Variants in JARID2 observed in about 807,000 individuals in gnomAD.
JARID2 encodes the protein jumonji and AT-rich interaction domain containing 2.
Under a neutral mutation model 125.6 loss-of-function variants are expected in JARID2, and 21 were observed. The observed-to-expected ratio is 0.17, with a 90% CI of 0.12 to 0.24. JARID2 has a LOEUF of 0.24. JARID2 is among the 10% of genes least tolerant of loss of function. JARID2 has a pLI of 1.00. For missense variants in JARID2, 1,303 were observed against 1,639.6 expected (o/e 0.79, Z 3.55); for synonymous variants, 736 against 661.6 (o/e 1.11, Z -1.73).
intron 1 of JARID2, among the ~76,000 whole-genome samples, chr6:15,327,035 T>G (rs556593895): frequency 6.6e-6 from 1 of 152,302 alleles, no homozygotes; most frequent in Admixed American, 6.5e-5. Flanking sequence ...CCACAGCTTT[T>G]GAGAGTGAAG....
chr6:15,310,586 C>T (rs1271381292), intron 1 of JARID2, among the ~76,000 whole-genome samples: 1 of 152,190 alleles, frequency 6.6e-6, no homozygotes, highest in Non-Finnish European at 1.5e-5. Context: ...TCATGCTCCC[C>T]TCTGGATTTC....
chr6:15,371,824 C>T (rs62395381), intron 1 of JARID2, among the ~76,000 whole-genome samples: 3,271 of 152,286 alleles, frequency 0.021, 46 homozygotes, highest in South Asian at 0.052. Flanking sequence ...GACCCCGTAC[C>T]GTGGTCTGTG....
In JARID2 at chr6:15,410,057, A is replaced by G. The variant is rs186028493; in HGVS notation, c.182-167A>G. On this transcript the variant is annotated intron_variant, in intron 2 of 17. Transcript: ENST00000341776. ...TCACTCTCTTTAAAGGTCTCATAGAATGAGGTTTTGCTTTTCTCCACCCAT... is the reference window on the plus strand; with the variant it reads ...TCACTCTCTTTAAAGGTCTCATAGAGTGAGGTTTTGCTTTTCTCCACCCAT... 5.9e-5 allele frequency among the ~76,000 whole-genome samples: 9 copies of G among 152,306 alleles called. No individual in the cohort carries two copies. The East Asian group carries it at 1.4e-3, about 23-fold the overall frequency.
intron 1 of JARID2, among the ~76,000 whole-genome samples, chr6:15,315,686 G>T (rs1324788010): frequency 6.6e-6 from 1 of 152,190 alleles, no homozygotes; most frequent in African/African-American, 2.4e-5. Context: ...TTGTCCGGAA[G>T]TTACCAAAAT....
Position 15,513,258 on chromosome 6 carries a change from C to A in JARID2, c.3286C>A (p.Arg1096Ser). 6.4e-7 allele frequency: 1 copy of A among 1,571,764 alleles called. No homozygotes were observed. Among genetic ancestry groups the A allele is most frequent in the Non-Finnish European group, 8.6e-7 (1 of 1,157,466 alleles). The change falls in exon 16 of 18, where the codon CGC becomes AGC. Residue 1096 changes from arginine to serine, a missense_variant. By Grantham distance (110) the Arg-to-Ser change is moderately radical. Transcript: ENST00000341776. ...DELRDTELRQ[R>S]RQLFEAGLHS... is the part of the protein sequence containing the mutation. ...TGGCAGGGATACAGAGCTGCGGCAG[C>A]GCAGGCAGCTGTTCGAGGCTGGCCT...
At chr6:15,327,552 CGCGTGTGTGT>C (rs1561794527) in intron 1 of JARID2, among the ~76,000 whole-genome samples, 12 of 143,206 alleles carry the variant, frequency 8.4e-5, no homozygotes, top group East Asian at 2.0e-4. Context: ...TGTGTGTGTG[CGCGTGTGTGT>C]GCGTGTGCAT....
intron 4 of JARID2, among the ~76,000 whole-genome samples, chr6:15,468,157 T>G (rs566299122): frequency 7.1e-6 from 1 of 141,656 alleles, no homozygotes; most frequent in East Asian, 2.1e-4. Flanking sequence ...TTTTTACTTC[T>G]GTCTTCTCTG....
At chr6:15,329,572 C>T (rs1353711899) in intron 1 of JARID2, among the ~76,000 whole-genome samples, 1 of 152,202 alleles carries the variant, frequency 6.6e-6, no homozygotes, top group African/African-American at 2.4e-5. Flanking sequence ...TAATGTCTCC[C>T]TTTCATGAAT....
In JARID2 at chr6:15,374,261, A is replaced by C; in HGVS notation, c.181+9A>C. 1 of 1,613,118 alleles carries C rather than the reference A, an allele frequency of 6.2e-7. No individual in the cohort carries two copies. The highest frequency in any genetic ancestry group is 8.5e-7 in the Non-Finnish European group (1 of 1,179,464). The stretch of plus-strand genomic sequence containing the variant: ...CCTGAAAACTGTGAATGGTGAGTTG[A>C]CTCTTGGAATATCTCATTGGAATGT... On this transcript the variant is annotated intron_variant, in intron 2 of 17. Transcript: ENST00000341776.
At chr6:15,412,608 T>C (rs568392152) in intron 3 of JARID2, among the ~76,000 whole-genome samples, 1 of 152,296 alleles carries the variant, frequency 6.6e-6, no homozygotes, top group East Asian at 1.9e-4. Flanking sequence ...CAGCAGGGCA[T>C]GCATTTCTTG....
chr6:15,511,833 T>C (rs1561917192), intron 13 of JARID2, among the ~76,000 whole-genome samples: 1 of 152,188 alleles, frequency 6.6e-6, no homozygotes, highest in Non-Finnish European at 1.5e-5. Flanking sequence ...CCTGTCCATC[T>C]TAGAGAAGAG....
At chr6:15,283,806 T>C (rs923293219) in intron 1 of JARID2, among the ~76,000 whole-genome samples, 43 of 151,090 alleles carry the variant, frequency 2.8e-4, no homozygotes, top group African/African-American at 7.8e-4. Context: ...CCTGGGTTCA[T>C]GCCATTCTCC....
chr6:15,280,706 G>A (rs1156701712), intron 1 of JARID2, among the ~76,000 whole-genome samples: 3 of 148,926 alleles, frequency 2.0e-5, no homozygotes, highest in African/African-American at 7.5e-5. Flanking sequence ...TAGGCTCACT[G>A]CAGCCTCTGC....
At chr6:15,343,936 A>C (rs1763156607) in intron 1 of JARID2, among the ~76,000 whole-genome samples, 1 of 152,122 alleles carries the variant, frequency 6.6e-6, no homozygotes, top group Non-Finnish European at 1.5e-5. Context: ...CTTTTACTTA[A>C]TAAATAGCTC....
chr6:15,267,893 A>T (rs940172484), intron 1 of JARID2, among the ~76,000 whole-genome samples: 5 of 151,974 alleles, frequency 3.3e-5, no homozygotes, highest in African/African-American at 9.7e-5. Flanking sequence ...AGTAAGAAGA[A>T]AGTTGGTTCC....
At chr6:15,289,288 C>G (rs943310746) in intron 1 of JARID2, among the ~76,000 whole-genome samples, 1 of 152,274 alleles carries the variant, frequency 6.6e-6, no homozygotes, top group East Asian at 1.9e-4. Context: ...ATGGTGCATG[C>G]AGAACACTGT....
At chr6:15,377,600 C>T (rs932071019) in intron 2 of JARID2, among the ~76,000 whole-genome samples, 2 of 151,998 alleles carry the variant, frequency 1.3e-5, no homozygotes, top group South Asian at 2.1e-4. Flanking sequence ...CAAGTAGCTG[C>T]GATTACAGGC....
chr6:15,412,167 T>C (rs1036709901), intron 3 of JARID2, among the ~76,000 whole-genome samples: 6 of 152,222 alleles, frequency 3.9e-5, no homozygotes, highest in African/African-American at 1.4e-4. Context: ...ACTAACTTGG[T>C]TCTGGTCTCA....
chr6:15,363,574 A>T (rs781201233), intron 1 of JARID2, among the ~76,000 whole-genome samples: 3 of 152,180 alleles, frequency 2.0e-5, no homozygotes, highest in Non-Finnish European at 2.9e-5. Flanking sequence ...ACTCATTGCT[A>T]TGTCTCAGGA....
Sources: allele counts gnomAD v4.1 joint callset (sites outside exome capture counted in the v4.1 genomes callset), GRCh38; gene constraint gnomAD v4.1.1; transcripts MANE v1.5; gene names NCBI Gene and HGNC (gene_info 2026-07-23, HGNC 2026-07-21).